CDC25B: variants seen among roughly 807,000 people sequenced by gnomAD.
CDC25B encodes M-phase inducer phosphatase 2.
Under a neutral mutation model 69.8 loss-of-function variants are expected in CDC25B, and 33 were observed. The observed-to-expected ratio is 0.47, with a 90% CI of 0.36 to 0.63. The LOEUF (loss-of-function observed/expected upper bound fraction) is 0.63. CDC25B is among the 30% of genes least tolerant of loss of function. CDC25B has a pLI of 0.00. For synonymous variants in CDC25B, 341 were observed against 314.6 expected, an observed-to-expected ratio of 1.08 and a Z score of -0.89; for missense variants, 727 against 809.1, an observed-to-expected ratio of 0.90 and a Z score of 1.23.
At chr20:3,802,853 C>G in intron 11 of CDC25B, 57 bp from the exon 12 acceptor site, 5 of 1,393,012 alleles carry the variant, frequency 3.6e-6, no homozygotes, top group Non-Finnish European at 5.1e-6. Flanking sequence ...CTTTGAGGCT[C>G]CTGGTCTTAC....
At position 3,796,555 on chromosome 20, in the gene CDC25B, C is replaced by G; in HGVS notation, c.24C>G (p.Pro8=). The G allele has an allele frequency of 6.8e-7, 1 of 1,479,176 alleles. No individual in the cohort carries two copies. The highest frequency in any genetic ancestry group is 8.9e-7 in the Non-Finnish European group (1 of 1,122,184). The allele number at this position is 1,479,176 out of a possible 1,614,324, so 91.6% of individuals were successfully genotyped here. A position where few individuals can be genotyped will look rare whatever the true frequency, so the allele number is the denominator to read the frequency against. Residue 8 remains proline (P), a synonymous_variant, in exon 1 of 16, where the codon CCC becomes CCG. Transcript: ENST00000245960. Reference sequence around the variant, plus strand: ...CGATGGAGGTGCCCCAGCCGGAGCCCGCGCCAGGCTCGGCTCTCAGTCCAG... The same window carrying G: ...CGATGGAGGTGCCCCAGCCGGAGCCGGCGCCAGGCTCGGCTCTCAGTCCAG... The part of the protein sequence containing the change: MEVPQPE[P]APGSALSPAG...
rs2089043928 is a variant in CDC25B, at chr20:3,796,410, T to TC, written c.-119dup. ...GCCTGGCCCTGTGGCTCTTCCTCCC[T>TC]CCCTCCTTCCCCCCCCCCCCACCCC... On this transcript the variant is annotated 5_prime_UTR_variant, in exon 1 of 16. Transcript: ENST00000245960. 25 of 164,632 alleles carry TC rather than the reference T, an allele frequency of 1.5e-4. No individual in the cohort carries two copies. Among genetic ancestry groups the TC allele is most frequent in the South Asian group, 1.1e-3 (5 of 4,758 alleles). The allele number at this position is 164,632 out of a possible 1,614,324, so 10.2% of individuals were successfully genotyped here. A position where few individuals can be genotyped will look rare whatever the true frequency, so the allele number is the denominator to read the frequency against.
chr20:3,805,955 T>C lies in CDC25B; in HGVS notation c.*994T>C, dbSNP rs2089460774. Reference sequence around the variant, plus strand: ...TGGACAAAAATATTTACACTTAGGGTTTGGAGCTATTCAAGAGGAAATGTC... The same window carrying C: ...TGGACAAAAATATTTACACTTAGGGCTTGGAGCTATTCAAGAGGAAATGTC... On this transcript the variant is annotated 3_prime_UTR_variant, in exon 16 of 16. Coordinates refer to ENST00000245960, the MANE Select transcript of CDC25B (RefSeq NM_021873.4). 2.5e-6 allele frequency: 1 copy of C among 401,590 alleles called. No individual in the cohort carries two copies. The highest frequency in any genetic ancestry group is 3.5e-5 in the East Asian group (1 of 28,196). 24.9% of individuals were successfully genotyped at this position (401,590 alleles called of 1,614,324 possible).
At position 3,798,396 on chromosome 20, in the gene CDC25B, T is replaced by C; in HGVS notation, c.329-16T>C. ...AAGTGCCACTACTTTCAAACCAAGGTGCTCTGTCCCCTCAGGTCTCTGCAT... is the reference window on the plus strand; with the variant it reads ...AAGTGCCACTACTTTCAAACCAAGGCGCTCTGTCCCCTCAGGTCTCTGCAT... On this transcript the variant is annotated splice_polypyrimidine_tract_variant and intron_variant, in intron 2 of 15. Transcript: ENST00000245960. 1 of 1,461,292 alleles carries C rather than the reference T, an allele frequency of 6.8e-7. No homozygotes were observed. Among genetic ancestry groups the C allele is most frequent in the Non-Finnish European group, 9.1e-7 (1 of 1,100,794 alleles). 90.5% of individuals were successfully genotyped at this position (1,461,292 alleles called of 1,614,324 possible).
chr20:3,787,084 C>A, exon 1 of CDC25B: 1 of 588,300 alleles, frequency 1.7e-6, no homozygotes. Context: ...TTTGCGGAAC[C>A]TGAAAAATTC....
chr20:3,802,118 G>C lies in CDC25B; in HGVS notation c.1098+18G>C. The C allele has an allele frequency of 6.5e-7, 1 of 1,544,218 alleles. No individual in the cohort carries two copies. Among genetic ancestry groups the C allele is most frequent in the Non-Finnish European group, 8.8e-7 (1 of 1,141,324 alleles). On this transcript the variant is annotated intron_variant, in intron 10 of 15. Transcript: ENST00000245960. Reference sequence around the variant, plus strand: ...AGGAACCTGTGAGTGCCTTCCTCCTGGGGTTCACTTTGGCATGCACCTGGG... The same window carrying C: ...AGGAACCTGTGAGTGCCTTCCTCCTCGGGTTCACTTTGGCATGCACCTGGG...
rs1056118593 is a variant in CDC25B at position 3,802,094 on chromosome 20, G to A, written c.1092G>A (p.Glu364=). 3.2e-6 allele frequency: 5 copies of A among 1,551,082 alleles called. No individual in the cohort carries two copies. In the African/African-American group the frequency reaches 6.8e-5, roughly 21 times the overall value. The part of the protein sequence containing the change: ...VTPPEEQQEA[E]EPKARVLRSK... ...CTCCTGAGGAGCAGCAGGAGGCTGA[G>A]GAACCTGTGAGTGCCTTCCTCCTGG... Residue 364 remains glutamate, a synonymous_variant, in exon 10 of 16, where the codon GAG becomes GAA. Transcript: ENST00000245960.
At chr20:3,794,374 T>TTTTTTGACTGTGTTTTTTGACTGTG, upstream of CDC25B, among the ~76,000 whole-genome samples, 2 of 150,920 alleles carry the variant, frequency 1.3e-5, no homozygotes, top group Admixed American at 1.3e-4. Flanking sequence ...TTTTCATGTG[T>TTTTTTGACTGTGTTTTTTGACTGTG]TTTTTGACTG....
At chr20:3,794,919 G>A (rs1003406288), upstream of CDC25B, among the ~76,000 whole-genome samples, 3 of 152,048 alleles carry the variant, frequency 2.0e-5, no homozygotes, top group South Asian at 2.1e-4. Flanking sequence ...CCCGCCCCCC[G>A]CACCACCACC....
rs2089068799 is a variant in CDC25B at position 3,796,724 on chromosome 20, C to T, written c.193C>T (p.Leu65Phe). The T allele has an allele frequency of 6.4e-7, 1 of 1,568,022 alleles. No homozygotes were observed. Among genetic ancestry groups the T allele is most frequent in the Non-Finnish European group, 8.6e-7 (1 of 1,166,348 alleles). The change falls in exon 1 of 16, where the codon CTC (leucine) becomes TTC (phenylalanine). Residue 65 changes from leucine to phenylalanine, a missense_variant. Physicochemically the swap from Leu to Phe is conservative, Grantham distance 22 (BLOSUM62 0). This residue lies in a region of CDC25B where 368 missense variants were observed against 345.6 expected (regional missense o/e 1.06). Transcript: ENST00000245960. ...LTQTMHDLAG[L>F]GSETPKSQVG... ...CCAGACCATGCACGACCTCGCCGGG[C>T]TCGGCAGGTAGGACACCCCAAGGAG...
chr20:3,787,026 G>GT (rs1393746089), exon 1 of CDC25B: 19 of 607,562 alleles, frequency 3.1e-5, no homozygotes, highest in South Asian at 9.5e-5. Flanking sequence ...CAGGGTTTTT[G>GT]TTTGTTTTTT....
chr20:3,800,523 A>C, intron 5 of CDC25B, 25 bp downstream of exon 5: 2 of 1,613,422 alleles, frequency 1.2e-6, no homozygotes, highest in Non-Finnish European at 8.5e-7. Context: ...GGCCTGACTG[A>C]GGCTTAGGCA....
chr20:3,800,865 T>G lies in CDC25B; in HGVS notation c.582T>G (p.Asn194Lys), dbSNP rs939335268. 2 of 1,613,502 alleles carry G rather than the reference T, an allele frequency of 1.2e-6. No homozygotes were observed. The highest frequency in any genetic ancestry group is 2.7e-5 in the African/African-American group (2 of 74,882). Residue 194 changes from asparagine to lysine, a missense_variant and splice_region_variant, in exon 6 of 16, where the codon AAT (asparagine) becomes AAG (lysine). This residue lies in a region of CDC25B where 368 missense variants were observed against 345.6 expected (regional missense o/e 1.06). Transcript: ENST00000245960. ...GCAGCTCTGGGGAAGACAAGGAGAA[T>G]GTGCGCTTCTGGAAGGCCGGGGTGG... Reference protein sequence around the residue: ...AASSSGEDKENDGFVFKMPWK... With the variant: ...AASSSGEDKEKDGFVFKMPWK...
At chr20:3,798,492 A>G (rs1421892879) in intron 3 of CDC25B, 29 bp downstream of exon 3, 1 of 1,547,618 alleles carries the variant, frequency 6.5e-7, no homozygotes, top group Non-Finnish European at 8.8e-7. Flanking sequence ...GTGTACTTCC[A>G]AGCATTCAGC....
At position 3,803,496 on chromosome 20, in the gene CDC25B, C is replaced by T. The variant is rs547033455; in HGVS notation, c.1449C>T (p.Leu483=). 6.1e-5 allele frequency: 99 copies of T among 1,614,118 alleles called. 1 individual carries two copies. The South Asian group carries it at 1.0e-3, about 16-fold the overall frequency. The change falls in exon 14 of 16, where the codon CTC becomes CTT. Residue 483 remains leucine (L), a synonymous_variant. Transcript: ENST00000245960. The surrounding 1 kb of genome is among the most constrained non-coding windows in gnomAD (Gnocchi z 4.9). ...APCSLDKRVI[L]IFHCEFSSER... ...GTAGCCTGGACAAGAGAGTCATCCT[C>T]ATTTTCCACTGTGAATTCTCATCTG...
chr20:3,800,325 C>T lies in CDC25B; in HGVS notation c.418C>T (p.Arg140Ter), dbSNP rs780797924. ...CATCCAGGCAGCCAGCCGGATCATTCGAAAGTAAGTGTTCCTGGGCCTCTT... is the reference window on the plus strand; with the variant it reads ...CATCCAGGCAGCCAGCCGGATCATTTGAAAGTAAGTGTTCCTGGGCCTCTT... ...QAIQAASRII[R>*]NEQFAIRRFQ... The change falls in exon 4 of 16, where the codon CGA (arginine) becomes TGA (stop). Residue 140 changes from arginine to a stop codon, truncating the protein, a stop_gained. Coordinates refer to ENST00000245960, the MANE Select transcript of CDC25B (RefSeq NM_021873.4). LOFTEE classifies it high-confidence loss of function. 6 of 1,614,126 alleles carry T rather than the reference C, an allele frequency of 3.7e-6. No homozygotes were observed. Among genetic ancestry groups the T allele is most frequent in the East Asian group, 2.2e-5 (1 of 44,858 alleles).
chr20:3,805,018 C>T lies in CDC25B; in HGVS notation c.*57C>T. On this transcript the variant is annotated 3_prime_UTR_variant, in exon 16 of 16. Coordinates refer to ENST00000245960, the MANE Select transcript of CDC25B (RefSeq NM_021873.4). ...CCTTTCGAGGCCTGAAGCCAGCTGCCCTATGGGCCTGCCGGGCTGAGGGCC... is the reference window on the plus strand; with the variant it reads ...CCTTTCGAGGCCTGAAGCCAGCTGCTCTATGGGCCTGCCGGGCTGAGGGCC... 2.6e-6 allele frequency: 4 copies of T among 1,565,894 alleles called. No individual in the cohort carries two copies. Among genetic ancestry groups the T allele is most frequent in the Non-Finnish European group, 3.5e-6 (4 of 1,158,096 alleles).
chr20:3,801,773 G>C lies in CDC25B; in HGVS notation c.892G>C (p.Val298Leu). The C allele has an allele frequency of 6.2e-7, 1 of 1,607,650 alleles. No individual in the cohort carries two copies. The highest frequency in any genetic ancestry group is 1.3e-5 in the African/African-American group (1 of 74,772). Reference protein sequence around the residue: ...GMESLISAPLVKTLEKEEEKD... With the variant: ...GMESLISAPLLKTLEKEEEKD... ...GGAGAGTCTCATTAGTGCCCCACTG[G>C]TCAAGACCTTGGAAAAGGAAGAGGA... is the stretch of plus-strand genomic sequence containing the variant. The change falls in exon 9 of 16, where the codon GTC becomes CTC. Residue 298 changes from valine to leucine, a missense_variant. Physicochemically the swap from Val to Leu is conservative, Grantham distance 32. This residue lies in a region of CDC25B where 359 missense variants were observed against 463.4 expected (regional missense o/e 0.77). Coordinates refer to ENST00000245960, the MANE Select transcript of CDC25B (RefSeq NM_021873.4).
chr20:3,793,721 G>A (rs1263947369), upstream of CDC25B, among the ~76,000 whole-genome samples: 1 of 145,912 alleles, frequency 6.9e-6, no homozygotes, highest in East Asian at 2.0e-4. Flanking sequence ...TTAGCATTAG[G>A]TATATCTCCT....
Sources: gnomAD v4.1 joint callset for allele counts (sites outside exome capture counted in the v4.1 genomes callset) on GRCh38, gnomAD v4.1.1 for gene constraint, gnomAD v4.1.1 regional missense constraint, Gnocchi (gnomAD v3.1) non-coding constraint, MANE v1.5 for transcripts, NCBI Gene and HGNC (gene_info 2026-07-23, HGNC 2026-07-21) for gene names.